Variants in RBFOX1 observed in about 807,000 individuals in gnomAD.
RBFOX1 encodes RNA binding protein fox-1 homolog 1.
Under a neutral mutation model 57.7 loss-of-function variants are expected in RBFOX1, and 8 were observed. The observed-to-expected ratio is 0.14, with a 90% CI of 0.08 to 0.25. The LOEUF (loss-of-function observed/expected upper bound fraction) is 0.25, where lower values mean the gene tolerates loss of function less well. Among genes scored for constraint, RBFOX1 ranks in the 10% least tolerant of loss-of-function variants. RBFOX1 has a pLI of 1.00. For missense variants in RBFOX1, 611 were observed against 548.5 expected (o/e 1.11, Z -1.14); for synonymous variants, 326 against 222.4 (o/e 1.47, Z -4.15).
Position 5,253,946 on chromosome 16 carries a change from C to G in RBFOX1, c.219+13841C>G, listed in dbSNP as rs555105704. 9.2e-5 allele frequency among the ~76,000 whole-genome samples: 14 copies of G among 152,022 alleles called. No homozygotes were observed. In the South Asian group the frequency reaches 2.7e-3, roughly 29 times the overall value. ...ACACTGACTCAGTCACAGCAACCCC[C>G]TATTATCTGCTTTCATGACACCAGG... On this transcript the variant is annotated intron_variant, in intron 1 of 2. Coordinates refer to the RBFOX1 transcript ENST00000585867.
At chr16:7,504,755 TTATA>T (rs1225848111) in intron 4 of RBFOX1, among the ~76,000 whole-genome samples, 443 of 9,532 alleles carry the variant, frequency 0.046, 7 homozygotes, top group Non-Finnish European at 0.058. Context: ...ATATATATAT[TTATA>T]TATATATATA....
chr16:6,090,792 C>G (rs1161423796), intron 1 of RBFOX1, among the ~76,000 whole-genome samples: 1 of 152,120 alleles, frequency 6.6e-6, no homozygotes, highest in Admixed American at 6.6e-5. Flanking sequence ...ATTGTTGGAT[C>G]CGTTAAGCTG....
intron 3 of RBFOX1, among the ~76,000 whole-genome samples, chr16:6,655,516 C>T (rs1223756693): frequency 1.3e-5 from 2 of 151,746 alleles, no homozygotes; most frequent in Admixed American, 6.6e-5. Context: ...ATTTAGAGTC[C>T]CCTCACCCAT....
At chr16:7,462,542 C>T (rs971313354) in intron 4 of RBFOX1, among the ~76,000 whole-genome samples, 1 of 152,238 alleles carries the variant, frequency 6.6e-6, no homozygotes, top group Non-Finnish European at 1.5e-5. Flanking sequence ...TCTCACAGCT[C>T]TGTGGGTTAG....
chr16:6,907,721 C>G (rs550393752), intron 3 of RBFOX1, among the ~76,000 whole-genome samples: 1 of 152,114 alleles, frequency 6.6e-6, no homozygotes, highest in African/African-American at 2.4e-5. Context: ...CAGGCATGCA[C>G]CACCATGCTT....
chr16:6,770,449 C>T (rs569619248), intron 3 of RBFOX1, among the ~76,000 whole-genome samples: 2 of 152,324 alleles, frequency 1.3e-5, no homozygotes, highest in Admixed American at 6.5e-5. Flanking sequence ...CCTATGCAAG[C>T]ATATATTTCT....
intron 4 of RBFOX1, among the ~76,000 whole-genome samples, chr16:7,417,364 C>A (rs2098489187): frequency 9.4e-6 from 1 of 106,918 alleles, no homozygotes; most frequent in Non-Finnish European, 1.8e-5. Context: ...CAGAGCGAGA[C>A]TCTGTGTCAA....
intron 4 of RBFOX1, among the ~76,000 whole-genome samples, chr16:7,077,432 T>C (rs1341929429): frequency 1.3e-5 from 2 of 152,170 alleles, no homozygotes; most frequent in South Asian, 4.1e-4. Context: ...TTTATTAGCA[T>C]CAAAAGCACA....
intron 4 of RBFOX1, among the ~76,000 whole-genome samples, chr16:7,351,410 G>A (rs568911827): frequency 9.8e-5 from 15 of 152,350 alleles, no homozygotes; most frequent in Admixed American, 2.0e-4. Context: ...CATTAGGAAC[G>A]CAATGAAGTC....
chr16:5,828,317 A>G (rs895124857), intron 3 of RBFOX1, among the ~76,000 whole-genome samples: 4 of 152,218 alleles, frequency 2.6e-5, no homozygotes, highest in Non-Finnish European at 5.9e-5. Flanking sequence ...TAAGAGCTGC[A>G]AAGGGAATAA....
At chr16:6,205,985 TA>T (rs2097252960) in intron 1 of RBFOX1, among the ~76,000 whole-genome samples, 1 of 151,580 alleles carries the variant, frequency 6.6e-6, no homozygotes, top group Non-Finnish European at 1.5e-5. Flanking sequence ...GGAGTATATG[TA>T]TTCTAGGGTC....
At chr16:6,340,175 G>T (rs916550947) in intron 2 of RBFOX1, among the ~76,000 whole-genome samples, 1 of 152,170 alleles carries the variant, frequency 6.6e-6, no homozygotes, top group Non-Finnish European at 1.5e-5. Flanking sequence ...GATGGCTTCA[G>T]TGCTAACAAG....
chr16:6,887,620 C>T (rs1440806826), intron 3 of RBFOX1, among the ~76,000 whole-genome samples: 1 of 151,612 alleles, frequency 6.6e-6, no homozygotes. Context: ...AAGTTAGTAA[C>T]CCTAGTTTTA....
intron 3 of RBFOX1, among the ~76,000 whole-genome samples, chr16:6,866,428 T>C (rs2059917862): frequency 1.3e-5 from 2 of 151,870 alleles, no homozygotes; most frequent in African/African-American, 2.4e-5. Flanking sequence ...TGACTTCTAG[T>C]GTCTTTCCCA....
At chr16:5,939,053 G>T (rs1200923890) in intron 4 of RBFOX1, among the ~76,000 whole-genome samples, 1 of 152,024 alleles carries the variant, frequency 6.6e-6, no homozygotes, top group Non-Finnish European at 1.5e-5. Context: ...GAGAACACTT[G>T]GACACAGGGC....
chr16:6,996,532 G>A (rs534849253), intron 3 of RBFOX1, among the ~76,000 whole-genome samples: 2 of 152,260 alleles, frequency 1.3e-5, no homozygotes, highest in Admixed American at 1.3e-4. Context: ...TGCATACATT[G>A]TAGTTACTAT....
At chr16:6,573,757 G>C (rs2097379241) in intron 2 of RBFOX1, 2 of 152,244 alleles carry the variant, frequency 1.3e-5, no homozygotes, top group African/African-American at 2.4e-5. Context: ...GGCTGCGGGA[G>C]AGCTGGGAGC....
At chr16:7,033,888 G>C (rs6500898) in intron 3 of RBFOX1, among the ~76,000 whole-genome samples, 2 of 152,192 alleles carry the variant, frequency 1.3e-5, no homozygotes, top group East Asian at 3.9e-4. Context: ...AGGATTATTT[G>C]AGCCTGGGAA....
intron 2 of RBFOX1, among the ~76,000 whole-genome samples, chr16:6,415,931 C>G (rs577534069): frequency 1.1e-4 from 16 of 152,310 alleles, no homozygotes; most frequent in African/African-American, 3.8e-4. Context: ...TTGGTTTAAT[C>G]AGGATATCAA....
Sources: gnomAD v4.1 joint callset for allele counts (sites outside exome capture counted in the v4.1 genomes callset) on GRCh38, gnomAD v4.1.1 for gene constraint, MANE v1.5 for transcripts, NCBI Gene and HGNC (gene_info 2026-07-23, HGNC 2026-07-21) for gene names.